EPHA6: variants seen among roughly 807,000 people sequenced by gnomAD.
The protein encoded by EPHA6 is EPH receptor A6.
Under a neutral mutation model 112.0 loss-of-function variants are expected in EPHA6, and 50 were observed. The ratio of observed to expected loss-of-function variants is 0.45; its 90% CI spans 0.36 to 0.56. EPHA6 has a LOEUF of 0.56. Among genes scored for constraint, EPHA6 ranks in the 20% least tolerant of loss-of-function variants. The pLI is 0.00. For missense variants in EPHA6, 1,280 were observed against 1,417.4 expected, an observed-to-expected ratio of 0.90 and a Z score of 1.56; for synonymous variants, 529 against 490.7, an observed-to-expected ratio of 1.08 and a Z score of -1.03.
chr3:97,559,242 AACTT>A (rs2093155773), intron 11 of EPHA6, among the ~76,000 whole-genome samples: 1 of 152,022 alleles, frequency 6.6e-6, no homozygotes, highest in Non-Finnish European at 1.5e-5. Context: ...GCAAGACAAA[AACTT>A]ACCTCACTCC....
Position 97,755,673 on chromosome 3 carries a change from TG to T in EPHA6, c.*6973del. Among the ~76,000 whole-genome samples the T allele has an allele frequency of 6.6e-6, 1 of 152,160 alleles. No homozygotes were observed. The highest frequency in any genetic ancestry group is 1.5e-5 in the Non-Finnish European group (1 of 67,982). ...CATTTTTCATATATTCCATTCAATT[TG>T]TATATTTAGGTATTAGTAACTGAGG... On this transcript the variant is annotated 3_prime_UTR_variant, in exon 18 of 18. Transcript: ENST00000389672.
At position 97,572,147 on chromosome 3, in the gene EPHA6, C is replaced by CA. The variant is rs1378784699; in HGVS notation, c.2387-20465_2387-20464insA. On this transcript the variant is annotated intron_variant, in intron 11 of 17. Coordinates refer to ENST00000389672, the MANE Select transcript of EPHA6 (RefSeq NM_001080448.3). ...TCAACTAAAACACTGATCTCTTTTC[C>CA]TTTTTTTTTTTTTTTTTTTTTGAGA... is the stretch of plus-strand genomic sequence containing the variant. 1.8e-4 allele frequency among the ~76,000 whole-genome samples: 23 copies of CA among 128,364 alleles called. No individual in the cohort carries two copies. The East Asian group carries it at 4.0e-3, about 22-fold the overall frequency. The allele number at this position is 128,364 out of a possible 152,430, so 84.2% of individuals were successfully genotyped here.
At chr3:97,377,716 T>C (rs1456588368) in intron 5 of EPHA6, among the ~76,000 whole-genome samples, 1 of 152,204 alleles carries the variant, frequency 6.6e-6, no homozygotes, top group East Asian at 1.9e-4. Flanking sequence ...ACTCTTGTTA[T>C]GTTTTAGCAA....
intron 3 of EPHA6, among the ~76,000 whole-genome samples, chr3:96,994,432 G>T (rs945421279): frequency 1.3e-5 from 2 of 151,948 alleles, no homozygotes; most frequent in Non-Finnish European, 2.9e-5. Context: ...GATTTGCAAA[G>T]TATTATGCTA....
intron 5 of EPHA6, among the ~76,000 whole-genome samples, chr3:97,277,218 C>T (rs896390919): frequency 2.0e-4 from 30 of 152,100 alleles, no homozygotes; most frequent in African/African-American, 7.2e-4. Flanking sequence ...TGGGCTGAGT[C>T]CGAAAAGAGA....
At chr3:97,007,343 T>A (rs1038928471) in intron 3 of EPHA6, among the ~76,000 whole-genome samples, 1 of 152,222 alleles carries the variant, frequency 6.6e-6, no homozygotes, top group African/African-American at 2.4e-5. Context: ...AATTATTGCC[T>A]TTACCATTAT....
intron 15 of EPHA6, among the ~76,000 whole-genome samples, chr3:97,723,030 G>A (rs1372802470): frequency 1.3e-5 from 2 of 152,120 alleles, no homozygotes; most frequent in Non-Finnish European, 2.9e-5. Flanking sequence ...CACTTTAACA[G>A]TAACATGCTA....
At chr3:97,661,868 T>C (rs1490781920) in intron 14 of EPHA6, among the ~76,000 whole-genome samples, 1 of 152,184 alleles carries the variant, frequency 6.6e-6, no homozygotes, top group Non-Finnish European at 1.5e-5. Flanking sequence ...TGGTAGTCCT[T>C]GTATACAAAG....
chr3:97,033,538 T>C (rs559775426), intron 3 of EPHA6, among the ~76,000 whole-genome samples: 1 of 152,018 alleles, frequency 6.6e-6, no homozygotes, highest in South Asian at 2.1e-4. Flanking sequence ...AACATTCTGG[T>C]TTTACTCATA....
chr3:97,673,035 T>C (rs1254347475), intron 14 of EPHA6, among the ~76,000 whole-genome samples: 1 of 152,006 alleles, frequency 6.6e-6, no homozygotes, highest in Non-Finnish European at 1.5e-5. Flanking sequence ...GCCAAATGCC[T>C]GTATATCTGG....
chr3:97,452,773 A>G (rs1472585278), intron 7 of EPHA6, among the ~76,000 whole-genome samples: 1 of 151,120 alleles, frequency 6.6e-6, no homozygotes, highest in African/African-American at 2.4e-5. Flanking sequence ...ACATATCCAC[A>G]CACACACACA....
At chr3:97,088,828 C>G (rs1221005043) in intron 3 of EPHA6, among the ~76,000 whole-genome samples, 1 of 152,110 alleles carries the variant, frequency 6.6e-6, no homozygotes, top group East Asian at 1.9e-4. Flanking sequence ...TCTACCAGTG[C>G]TTGGTTGGCT....
chr3:97,327,930 T>G (rs1345370868), intron 5 of EPHA6, among the ~76,000 whole-genome samples: 1 of 126,398 alleles, frequency 7.9e-6, no homozygotes, highest in Non-Finnish European at 1.5e-5. Flanking sequence ...TGTGCATATA[T>G]ATGTATATGT....
chr3:97,585,001 T>C (rs2093475057), intron 11 of EPHA6, among the ~76,000 whole-genome samples: 2 of 152,198 alleles, frequency 1.3e-5, no homozygotes, highest in Admixed American at 6.5e-5. Flanking sequence ...TTTTTATTAC[T>C]AAACATGATG....
At chr3:97,106,046 G>A (rs2047557774) in intron 3 of EPHA6, among the ~76,000 whole-genome samples, 1 of 152,002 alleles carries the variant, frequency 6.6e-6, no homozygotes, top group Admixed American at 6.6e-5. Flanking sequence ...GGGTGTTATT[G>A]CATTTGAGAT....
At position 97,497,931 on chromosome 3, in the gene EPHA6, TAAA is replaced by T. The variant is rs373774231; in HGVS notation, c.2200+13873_2200+13875del. Among the ~76,000 whole-genome samples, 992 of 152,166 alleles carry T rather than the reference TAAA, an allele frequency of 6.5e-3. 12 individuals are homozygous for T. Among genetic ancestry groups the T allele is most frequent in the African/African-American group, 0.022 (912 of 41,532 alleles). On this transcript the variant is annotated intron_variant, in intron 10 of 17. Coordinates refer to ENST00000389672, the MANE Select transcript of EPHA6 (RefSeq NM_001080448.3). The stretch of plus-strand genomic sequence containing the variant: ...TAGATAAGCAGTGATTGACAGCAGA[TAAA>T]CCCATAAGAATTCAGGGATTCATGA...
intron 5 of EPHA6, among the ~76,000 whole-genome samples, chr3:97,385,032 G>C (rs2085978353): frequency 6.6e-6 from 1 of 152,130 alleles, no homozygotes; most frequent in Non-Finnish European, 1.5e-5. Context: ...AAAGCTACCA[G>C]ACTAAGTTGC....
At chr3:97,340,885 C>A (rs2083271495) in intron 5 of EPHA6, among the ~76,000 whole-genome samples, 1 of 152,170 alleles carries the variant, frequency 6.6e-6, no homozygotes, top group Non-Finnish European at 1.5e-5. Flanking sequence ...TAGATCATAT[C>A]TCCAAATATA....
chr3:97,586,670 G>C (rs114512120), intron 11 of EPHA6, among the ~76,000 whole-genome samples: 3 of 152,018 alleles, frequency 2.0e-5, no homozygotes, highest in Non-Finnish European at 2.9e-5. Context: ...AAAGATGGTA[G>C]GTAGGTCAGT....
Sources: gnomAD v4.1 joint callset for allele counts (sites outside exome capture counted in the v4.1 genomes callset) on GRCh38, gnomAD v4.1.1 for gene constraint, MANE v1.5 for transcripts, NCBI Gene and HGNC (gene_info 2026-07-23, HGNC 2026-07-21) for gene names.